Variants in PCBP2 observed in about 807,000 individuals in gnomAD.
PCBP2 encodes poly(rC)-binding protein 2.
In PCBP2, 4 loss-of-function variants were observed where a neutral mutation model predicts 50.1. That is an observed-to-expected ratio of 0.08 (90% CI 0.04 to 0.18). The LOEUF is 0.18. Ranked by LOEUF, PCBP2 falls within the 10% of genes least tolerant of loss-of-function variation. PCBP2 has a pLI of 1.00. For synonymous variants in PCBP2, 179 were observed against 168.0 expected (o/e 1.07, Z -0.51); for missense variants, 161 against 474.3 (o/e 0.34, Z 6.14).
At position 53,471,763 on chromosome 12, in the gene PCBP2, A is replaced by G. The variant is rs563968988; in HGVS notation, c.1008A>G (p.Gly336=). The G allele has an allele frequency of 6.2e-7, 1 of 1,613,362 alleles. No homozygotes were observed. Among genetic ancestry groups the G allele is most frequent in the Non-Finnish European group, 8.5e-7 (1 of 1,179,938 alleles). ...GSTDRQVTIT[G]SAASISLAQY... ...CTGATAGGCAGGTTACCATCACTGG[A>G]TCTGCTGCCAGCATTAGCCTGGCTC... The change falls in exon 14 of 15, where the codon GGA becomes GGG. Residue 336 remains glycine (G), a synonymous_variant. Transcript: ENST00000546463.
intron 8 of PCBP2, among the ~76,000 whole-genome samples, chr12:53,462,974 G>T (rs905978922): frequency 6.6e-6 from 1 of 152,132 alleles, no homozygotes; most frequent in African/African-American, 2.4e-5. Flanking sequence ...TCCTGAATTT[G>T]AGTGTCCTAC....
chr12:53,460,938 C>T (rs1030215370), intron 6 of PCBP2, 77 bp from the exon 7 acceptor site: 3 of 1,499,866 alleles, frequency 2.0e-6, no homozygotes, highest in South Asian at 1.2e-5. Flanking sequence ...GAGTTTTAGG[C>T]TCTGAAATTG....
chr12:53,463,146 G>C (rs1941569540), intron 8 of PCBP2, among the ~76,000 whole-genome samples: 2 of 152,168 alleles, frequency 1.3e-5, no homozygotes, highest in Non-Finnish European at 1.5e-5. Flanking sequence ...AAGAATAGAA[G>C]GGGGGTGAGC....
intron 14 of PCBP2, among the ~76,000 whole-genome samples, chr12:53,472,414 G>A (rs1942304187): frequency 6.6e-6 from 1 of 152,148 alleles, no homozygotes; most frequent in African/African-American, 2.4e-5. Context: ...CTTCCTGAGG[G>A]TTTTATTTCC....
chr12:53,462,431 C>CAGCT (rs1224748679), intron 7 of PCBP2, 62 bp from the exon 8 acceptor site: 1 of 1,389,962 alleles, frequency 7.2e-7, no homozygotes, highest in Admixed American at 1.9e-5. Flanking sequence ...TAAAGCCACA[C>CAGCT]AGCTGAAGCA....
Position 53,462,524 on chromosome 12 carries a change from G to A in PCBP2, c.536G>A (p.Arg179Gln). Residue 179 changes from arginine to glutamine, a missense_variant, in exon 8 of 15, where the codon CGG becomes CAG. Arg to Gln is a conservative substitution (Grantham distance 43). Transcript: ENST00000546463. ...CCGAAGGGCGTGACCATCCCGTACC[G>A]GCCCAAGCCGTCCAGCTCTCCGGTC... ...SPPKGVTIPY[R>Q]PKPSSSPVIF... 6.2e-7 allele frequency: 1 copy of A among 1,613,222 alleles called. No individual in the cohort carries two copies. The highest frequency in any genetic ancestry group is 1.1e-5 in the South Asian group (1 of 90,988).
rs764090249 is a variant in PCBP2, at chr12:53,455,496, A to G, written c.126+3A>G. 3 of 1,613,744 alleles carry G rather than the reference A, an allele frequency of 1.9e-6. No individual in the cohort carries two copies. Among genetic ancestry groups the G allele is most frequent in the Non-Finnish European group, 1.7e-6 (2 of 1,179,748 alleles). ...CAGTTAAGAAGATGCGCGAGGAGGT[A>G]AGTTATGAAAGACTGAGATTGTTAA... On this transcript the variant is annotated splice_donor_region_variant and intron_variant, in intron 4 of 14. Transcript: ENST00000546463.
intron 6 of PCBP2, chr12:53,460,799 A>G (rs1941400755): frequency 2.3e-6 from 1 of 427,016 alleles, no homozygotes; most frequent in African/African-American, 2.0e-5. Context: ...GCTGTTATTC[A>G]CGCTTATTCT....
chr12:53,466,870 T>C (rs1941862265), intron 10 of PCBP2, among the ~76,000 whole-genome samples: 1 of 152,082 alleles, frequency 6.6e-6, no homozygotes, highest in Non-Finnish European at 1.5e-5. Flanking sequence ...GCACAGTTTG[T>C]TTACCTAGCC....
Position 53,480,469 on chromosome 12 carries a change from T to TCATC in PCBP2, c.*1028_*1031dup, listed in dbSNP as rs1942977343. 6.6e-6 allele frequency: 1 copy of TCATC among 152,540 alleles called. No individual in the cohort carries two copies. Among genetic ancestry groups the TCATC allele is most frequent in the Admixed American group, 6.6e-5 (1 of 15,264 alleles). 9.4% of individuals were successfully genotyped at this position (152,540 alleles called of 1,614,324 possible). A position where few individuals can be genotyped will look rare whatever the true frequency, so the allele number is the denominator to read the frequency against. The stretch of plus-strand genomic sequence containing the variant: ...TAACCATGTATGGTACCCCATTCAT[T>TCATC]CATCAAGAAAACCCTCAACAGCTGG... On this transcript the variant is annotated 3_prime_UTR_variant, in exon 15 of 15. Transcript: ENST00000546463.
chr12:53,474,644 C>T (rs1295077606), intron 14 of PCBP2, among the ~76,000 whole-genome samples: 1 of 152,118 alleles, frequency 6.6e-6, no homozygotes, highest in African/African-American at 2.4e-5. Flanking sequence ...TTTTTCTTCA[C>T]CATAGCAGTT....
intron 2 of PCBP2, 42 bp from the exon 3 acceptor site, chr12:53,455,304 CT>C (rs1309242531): frequency 9.5e-6 from 15 of 1,574,758 alleles, no homozygotes; most frequent in Non-Finnish European, 1.3e-5. Context: ...AAAAGGAATA[CT>C]TCTGAGTTTC....
intron 8 of PCBP2, among the ~76,000 whole-genome samples, 162 bp downstream of exon 8, chr12:53,462,729 A>C (rs1449237233): frequency 6.6e-6 from 1 of 152,190 alleles, no homozygotes; most frequent in South Asian, 2.1e-4. Context: ...AGAAAGCTGA[A>C]TGCCTTAATT....
chr12:53,475,159 C>A (rs766846526), intron 14 of PCBP2: 1 of 456,594 alleles, frequency 2.2e-6, no homozygotes, highest in South Asian at 1.5e-5. Flanking sequence ...ACCACCTCTG[C>A]CGTGCCATGT....
chr12:53,462,726 T>TG (rs1471237032), intron 8 of PCBP2, among the ~76,000 whole-genome samples, 159 bp downstream of exon 8: 4 of 152,238 alleles, frequency 2.6e-5, no homozygotes, highest in African/African-American at 9.6e-5. Context: ...TGGAGAAAGC[T>TG]GAATGCCTTA....
chr12:53,459,155 G>C, intron 5 of PCBP2, 117 bp from the exon 6 acceptor site: 1 of 763,110 alleles, frequency 1.3e-6, no homozygotes, highest in Non-Finnish European at 1.9e-6. Flanking sequence ...GTCTATGGTG[G>C]ATTATGACCT....
chr12:53,453,482 T>C (rs149915449), intron 1 of PCBP2, among the ~76,000 whole-genome samples: 1 of 152,298 alleles, frequency 6.6e-6, no homozygotes, highest in African/African-American at 2.4e-5. Flanking sequence ...ATATAATCAC[T>C]TACATTCTTG....
At chr12:53,467,608 G>A (rs1468842768) in intron 11 of PCBP2, 197 bp from the exon 12 acceptor site, 2 of 628,118 alleles carry the variant, frequency 3.2e-6, no homozygotes, top group Non-Finnish European at 5.6e-6. Context: ...GATCTGATCA[G>A]CACCCCCTTT....
intron 9 of PCBP2, 137 bp downstream of exon 9, chr12:53,464,989 C>G: frequency 9.1e-7 from 1 of 1,099,770 alleles, no homozygotes; most frequent in South Asian, 2.8e-5. Flanking sequence ...CTGGACTGAC[C>G]CCCCCAACCT....
Sources: allele counts gnomAD v4.1 joint callset (sites outside exome capture counted in the v4.1 genomes callset), GRCh38; gene constraint gnomAD v4.1.1; transcripts MANE v1.5; gene names NCBI Gene and HGNC (gene_info 2026-07-23, HGNC 2026-07-21).